Variants in ZNF565 observed in about 807,000 individuals in gnomAD.
The protein encoded by ZNF565 is zinc finger protein 565.
A neutral mutation model predicts 39.4 loss-of-function variants in ZNF565; 27 were observed. The ratio of observed to expected loss-of-function variants is 0.69; its 90% confidence interval spans 0.51 to 0.95. The LOEUF (loss-of-function observed/expected upper bound fraction) is 0.95. Ranked by LOEUF, ZNF565 falls within the 40% of genes least tolerant of loss-of-function variation. ZNF565 has a pLI of 0.00. For synonymous variants in ZNF565, 185 were observed against 216.6 expected (o/e 0.85, Z 1.28); for missense variants, 524 against 621.1 (o/e 0.84, Z 1.66).
intron 4 of ZNF565, among the ~76,000 whole-genome samples, chr19:36,188,265 G>T (rs1158928841): frequency 6.6e-6 from 1 of 151,818 alleles, no homozygotes; most frequent in Non-Finnish European, 1.5e-5. Flanking sequence ...TGAGACAGGA[G>T]AATCACTTGA....
At chr19:36,200,944 C>T (rs964897956) in intron 2 of ZNF565, among the ~76,000 whole-genome samples, 1 of 152,094 alleles carries the variant, frequency 6.6e-6, no homozygotes, top group Non-Finnish European at 1.5e-5. Context: ...ACCACCACTG[C>T]ACCCAGCCAT....
At chr19:36,212,584 T>C (rs1189426838) in intron 1 of ZNF565, among the ~76,000 whole-genome samples, 1 of 151,158 alleles carries the variant, frequency 6.6e-6, no homozygotes, top group Non-Finnish European at 1.5e-5. Context: ...ATCACAGCAC[T>C]GCACTCCAGC....
chr19:36,223,553 C>T (rs1290117816), intron 1 of ZNF565, among the ~76,000 whole-genome samples: 4 of 151,744 alleles, frequency 2.6e-5, no homozygotes, highest in East Asian at 2.0e-4. Context: ...TTAGTAGAGA[C>T]GGGGTTTCAC....
chr19:36,227,979 G>A (rs1351082091), intron 1 of ZNF565, among the ~76,000 whole-genome samples: 3 of 152,046 alleles, frequency 2.0e-5, no homozygotes, highest in Non-Finnish European at 4.4e-5. Context: ...TGGCCAACAT[G>A]GTGAAACTCT....
At chr19:36,199,246 A>G (rs1352010253) in intron 2 of ZNF565, among the ~76,000 whole-genome samples, 1 of 152,132 alleles carries the variant, frequency 6.6e-6, no homozygotes, top group Non-Finnish European at 1.5e-5. Context: ...CATATGTTCA[A>G]CCTCAAAATG....
intron 4 of ZNF565, among the ~76,000 whole-genome samples, chr19:36,192,129 C>T (rs1975575546): frequency 6.6e-6 from 1 of 151,732 alleles, no homozygotes; most frequent in African/African-American, 2.4e-5. Context: ...GCTGGGACTA[C>T]AGGCACCCGC....
At chr19:36,217,365 C>T (rs973525617), upstream of ZNF565, among the ~76,000 whole-genome samples, 1 of 151,508 alleles carries the variant, frequency 6.6e-6, no homozygotes, top group Non-Finnish European at 1.5e-5. Context: ...GCCTGGCCGA[C>T]CCTGTCTTAA....
chr19:36,182,987 G>A lies in ZNF565; in HGVS notation c.979C>T (p.Arg327Ter), dbSNP rs771594752. ...RQHSQLTVHQ[R>*]IHTGEKPYEC... The stretch of plus-strand genomic sequence containing the variant: ...TAGGGTTTCTCACCAGTGTGGATTC[G>A]CTGGTGTACAGTCAGCTGTGAGTGC... The change falls in exon 5 of 5, where the codon CGA (arginine) becomes TGA (stop). Residue 327 changes from arginine to a stop codon, truncating the protein, a stop_gained. Coordinates refer to ENST00000304116, the MANE Select transcript of ZNF565 (RefSeq NM_152477.5). LOFTEE classifies it high-confidence loss of function. 5.0e-6 allele frequency: 8 copies of A among 1,613,542 alleles called. No individual in the cohort carries two copies. The highest frequency in any genetic ancestry group is 6.8e-6 in the Non-Finnish European group (8 of 1,179,890).
intron 1 of ZNF565, among the ~76,000 whole-genome samples, chr19:36,211,174 G>A (rs927119499): frequency 6.6e-6 from 1 of 152,146 alleles, no homozygotes; most frequent in Non-Finnish European, 1.5e-5. Context: ...CAGGCGAGGT[G>A]GCTCACGCCT....
intron 2 of ZNF565, among the ~76,000 whole-genome samples, chr19:36,197,164 T>G (rs1975791081): frequency 2.6e-5 from 4 of 151,912 alleles, no homozygotes; most frequent in African/African-American, 9.7e-5. Context: ...CCCAGCTACT[T>G]GGGAGGCTGA....
At chr19:36,206,827 C>T (rs1976173817) in intron 1 of ZNF565, among the ~76,000 whole-genome samples, 1 of 152,074 alleles carries the variant, frequency 6.6e-6, no homozygotes, top group Non-Finnish European at 1.5e-5. Context: ...GACTCTGTCA[C>T]AAACAACAAC....
intron 1 of ZNF565, among the ~76,000 whole-genome samples, chr19:36,233,767 C>T (rs1165134059): frequency 6.6e-6 from 1 of 152,188 alleles, no homozygotes; most frequent in African/African-American, 2.4e-5. Context: ...GCGGTTTTCC[C>T]CTATCTCAGT....
intron 1 of ZNF565, among the ~76,000 whole-genome samples, chr19:36,244,429 T>C (rs1296098665): frequency 1.3e-5 from 2 of 152,028 alleles, no homozygotes; most frequent in African/African-American, 2.4e-5. Context: ...GTACCTGTCA[T>C]CCCAGCTACT....
chr19:36,182,659 T>C lies in ZNF565; in HGVS notation c.1307A>G (p.His436Arg). The C allele has an allele frequency of 1.2e-6, 2 of 1,614,144 alleles. No individual in the cohort carries two copies. The highest frequency in any genetic ancestry group is 4.5e-5 in the East Asian group (2 of 44,884). ...KAFIRVSQLT[H>R]HQRIHTCEKP... Reference sequence around the variant, plus strand: ...CTCACAAGTGTGAATTCGCTGATGATGAGTCAGTTGTGAAACACGAATAAA... The same window carrying C: ...CTCACAAGTGTGAATTCGCTGATGACGAGTCAGTTGTGAAACACGAATAAA... Residue 436 changes from histidine (H) to arginine (R), a missense_variant, in exon 5 of 5, where the codon CAT (histidine) becomes CGT (arginine). Transcript: ENST00000304116.
chr19:36,200,825 C>T (rs1471726286), intron 2 of ZNF565, among the ~76,000 whole-genome samples: 2 of 151,902 alleles, frequency 1.3e-5, no homozygotes, highest in African/African-American at 4.8e-5. Flanking sequence ...CGCTGTGTCG[C>T]CCAAGCCGGA....
At chr19:36,217,055 CTTTTTTT>C (rs752632008), upstream of ZNF565, among the ~76,000 whole-genome samples, 24 of 65,880 alleles carry the variant, frequency 3.6e-4, no homozygotes, top group South Asian at 8.1e-4. Flanking sequence ...CAGTCCCTGT[CTTTTTTT>C]TTTTTTTTTT....
At chr19:36,192,324 G>A (rs1229334946) in intron 4 of ZNF565, among the ~76,000 whole-genome samples, 2 of 152,148 alleles carry the variant, frequency 1.3e-5, no homozygotes, top group Non-Finnish European at 2.9e-5. Flanking sequence ...TGTCTGATAT[G>A]TGATATACAG....
intron 1 of ZNF565, among the ~76,000 whole-genome samples, chr19:36,207,531 T>C (rs1599941613): frequency 8.1e-6 from 1 of 123,878 alleles, no homozygotes; most frequent in Non-Finnish European, 1.6e-5. Context: ...AGAGTGAGAC[T>C]CCATCTCAAA....
At chr19:36,198,879 C>T (rs1395930660) in intron 2 of ZNF565, among the ~76,000 whole-genome samples, 3 of 152,040 alleles carry the variant, frequency 2.0e-5, no homozygotes, top group African/African-American at 4.8e-5. Context: ...GGATTACAGG[C>T]GTGAGCCACC....
Sources: allele counts gnomAD v4.1 joint callset (sites outside exome capture counted in the v4.1 genomes callset), GRCh38; gene constraint gnomAD v4.1.1; transcripts MANE v1.5; gene names NCBI Gene and HGNC (gene_info 2026-07-23, HGNC 2026-07-21).